The following DMD variants were observed in gnomAD, a reference collection of about 807,000 sequenced individuals.
DMD encodes the protein dystrophin, also known as mutant dystrophin.
A neutral mutation model predicts 330.1 loss-of-function variants in DMD; 63 were observed. The observed-to-expected ratio is 0.19, with a 90% CI of 0.16 to 0.24. The LOEUF (loss-of-function observed/expected upper bound fraction) is 0.24, where lower values mean the gene tolerates loss of function less well. Among genes scored for constraint, DMD ranks in the 10% least tolerant of loss-of-function variants. DMD has a pLI of 1.00. For missense variants in DMD, 3,344 were observed against 2,684.1 expected, an observed-to-expected ratio of 1.25 and a Z score of -5.43; for synonymous variants, 1,223 against 959.8, an observed-to-expected ratio of 1.27 and a Z score of -5.07.
At chrX:32,939,228 T>C (rs1007474771) in intron 2 of DMD, among the ~76,000 whole-genome samples, 4 of 106,556 alleles carry the variant, frequency 3.8e-5, no homozygotes, top group Admixed American at 2.1e-4. Context: ...GATATATATG[T>C]ATATATATTT....
At chrX:31,743,389 T>C (rs2087529955) in intron 51 of DMD, among the ~76,000 whole-genome samples, 1 of 112,489 alleles carries the variant, frequency 8.9e-6, no homozygotes, top group Non-Finnish European at 1.9e-5. Context: ...AAAAACCACA[T>C]GTATTCTCAT....
intron 2 of DMD, among the ~76,000 whole-genome samples, chrX:32,992,767 A>G (rs1482523424): frequency 9.2e-6 from 1 of 109,256 alleles, no homozygotes; most frequent in Non-Finnish European, 1.9e-5. Flanking sequence ...TTAGCTGGGC[A>G]TGGTGGCAGG....
chrX:31,854,152 T>A (rs1410474437), intron 48 of DMD, among the ~76,000 whole-genome samples: 1 of 112,445 alleles, frequency 8.9e-6, no homozygotes, highest in Non-Finnish European at 1.9e-5. Flanking sequence ...CAGTTGCACC[T>A]AATCAAAGAA....
chrX:32,538,326 G>T (rs773225710), intron 17 of DMD, among the ~76,000 whole-genome samples: 1 of 111,135 alleles, frequency 9.0e-6, no homozygotes, highest in Non-Finnish European at 1.9e-5. Context: ...CACCTTAACC[G>T]AGCGATTAAC....
At chrX:32,946,905 C>T (rs768834779) in intron 2 of DMD, among the ~76,000 whole-genome samples, 1 of 111,957 alleles carries the variant, frequency 8.9e-6, no homozygotes, top group South Asian at 3.7e-4. Context: ...ACCTAGGCAT[C>T]TGTAAGTTTT....
At position 32,610,706 on chromosome X, in the gene DMD, T is replaced by C. The variant is rs116065387; in HGVS notation, c.1482+3597A>G. Among the ~76,000 whole-genome samples, 473 of 111,267 alleles carry C rather than the reference T, an allele frequency of 4.3e-3. 2 individuals are homozygous for C. The highest frequency in any genetic ancestry group is 0.014 in the African/African-American group (446 of 30,766). ...TGCAATCATCTTTAAGAAAAAATGG[T>C]GATGGCACAAGGATTTAATGTCTAT... On this transcript the variant is annotated intron_variant, in intron 12 of 78. Coordinates refer to ENST00000357033, the MANE Select transcript of DMD (RefSeq NM_004006.3).
intron 1 of DMD, among the ~76,000 whole-genome samples, chrX:33,324,258 C>G (rs140814338): frequency 4.1e-4 from 45 of 110,701 alleles, no homozygotes; most frequent in African/African-American, 1.4e-3. Flanking sequence ...GTGTGAGTTT[C>G]ATGAGCATGT....
At chrX:32,719,253 C>G (rs978894143) in intron 7 of DMD, among the ~76,000 whole-genome samples, 1 of 111,774 alleles carries the variant, frequency 8.9e-6, no homozygotes, top group South Asian at 3.7e-4. Context: ...TGGTTGGAAG[C>G]AAATAGCTTC....
chrX:32,873,259 A>ATT (rs1491522455), intron 2 of DMD, among the ~76,000 whole-genome samples: 1 of 110,045 alleles, frequency 9.1e-6, no homozygotes, highest in East Asian at 2.9e-4. Flanking sequence ...TGCTTTTGAG[A>ATT]TAATTGGCTA....
intron 11 of DMD, among the ~76,000 whole-genome samples, chrX:32,625,299 G>C (rs145022206): frequency 8.9e-6 from 1 of 112,047 alleles, no homozygotes; most frequent in Admixed American, 9.5e-5. Context: ...CACTAGTCAG[G>C]TGGGAATAAT....
intron 2 of DMD, among the ~76,000 whole-genome samples, chrX:32,963,081 C>T (rs73188351): frequency 0.085 from 9,490 of 111,230 alleles, 315 homozygotes; most frequent in Middle Eastern, 0.14. Flanking sequence ...CTCTATTCAA[C>T]GAAATTTATA....
intron 9 of DMD, among the ~76,000 whole-genome samples, chrX:32,681,775 T>C (rs1204228445): frequency 8.9e-6 from 1 of 112,046 alleles, no homozygotes; most frequent in African/African-American, 3.2e-5. Context: ...GCAAATATCG[T>C]AATGTCAGTA....
At chrX:32,586,083 AAC>A (rs2054263635) in intron 13 of DMD, among the ~76,000 whole-genome samples, 1 of 111,450 alleles carries the variant, frequency 9.0e-6, no homozygotes, top group Non-Finnish European at 1.9e-5. Context: ...CAGTTGAAAA[AAC>A]AATGCACATA....
At chrX:31,900,072 G>A (rs1182712497) in intron 47 of DMD, among the ~76,000 whole-genome samples, 1 of 111,871 alleles carries the variant, frequency 8.9e-6, no homozygotes, top group East Asian at 2.8e-4. Context: ...GTAACAGTGT[G>A]CATTATGACT....
chrX:32,098,607 C>T lies in DMD; in HGVS notation c.6438+118309G>A, dbSNP rs138270170. Among the ~76,000 whole-genome samples the T allele has an allele frequency of 4.3e-3, 481 of 111,877 alleles. 2 individuals are homozygous for T. Among genetic ancestry groups the T allele is most frequent in the Non-Finnish European group, 4.5e-3 (241 of 53,171 alleles). On this transcript the variant is annotated intron_variant, in intron 44 of 78. Coordinates refer to ENST00000357033, the MANE Select transcript of DMD (RefSeq NM_004006.3). ...ACCCATGTAATTTTAGCATTGCTTG[C>T]TCCTAGCACAATGTTTGGCACATAC...
At chrX:32,971,262 A>G (rs774121207) in intron 2 of DMD, among the ~76,000 whole-genome samples, 1 of 111,694 alleles carries the variant, frequency 9.0e-6, no homozygotes, top group African/African-American at 3.3e-5. Flanking sequence ...GCACTCAGCC[A>G]GTTTGTTAGG....
rs187416099 is a variant in DMD, at chrX:32,899,512, A to G, written c.94-49692T>C. On this transcript the variant is annotated intron_variant, in intron 2 of 78. Coordinates refer to ENST00000357033, the MANE Select transcript of DMD (RefSeq NM_004006.3). ...AACATGGTGAAACCCCGTCGCTACT[A>G]AAAATACAAAAATTAGCTGGTCGTG... Among the ~76,000 whole-genome samples, 551 of 108,880 alleles carry G rather than the reference A, an allele frequency of 5.1e-3. 4 individuals carry two copies. The highest frequency in any genetic ancestry group is 6.5e-3 in the Non-Finnish European group (339 of 52,500). 94.5% of individuals were successfully genotyped at this position (108,880 alleles called of 115,157 possible). A position where few individuals can be genotyped will look rare whatever the true frequency, so the allele number is the denominator to read the frequency against.
intron 45 of DMD, among the ~76,000 whole-genome samples, chrX:31,958,799 C>T (rs1378819290): frequency 1.8e-5 from 2 of 111,931 alleles, no homozygotes; most frequent in African/African-American, 6.5e-5. Flanking sequence ...TGTCTTCCTC[C>T]TGATGTTCAG....
At chrX:32,065,115 C>G (rs1180806106) in intron 44 of DMD, among the ~76,000 whole-genome samples, 1 of 110,899 alleles carries the variant, frequency 9.0e-6, no homozygotes, top group Non-Finnish European at 1.9e-5. Context: ...CTTCTTTTGG[C>G]CTTGGAATTA....
Sources: gnomAD v4.1 joint callset for allele counts (sites outside exome capture counted in the v4.1 genomes callset) on GRCh38, gnomAD v4.1.1 for gene constraint, MANE v1.5 for transcripts, NCBI Gene and HGNC (gene_info 2026-07-23, HGNC 2026-07-21) for gene names.